The following DST variants were observed in gnomAD, a reference collection of about 807,000 sequenced individuals.
DST encodes bullous pemphigoid antigen.
DST carries 253 observed loss-of-function variants against 875.2 expected under a neutral mutation model. That is an observed-to-expected ratio of 0.29 (90% CI 0.26 to 0.32). The LOEUF (loss-of-function observed/expected upper bound fraction) is 0.32. Ranked by LOEUF, DST falls within the 10% of genes least tolerant of loss-of-function variation. DST has a pLI of 1.00. For synonymous variants in DST, 3,124 were observed against 3,197.1 expected (o/e 0.98, Z 0.77); for missense variants, 8,287 against 9,111.6 (o/e 0.91, Z 3.68).
rs1213520287 is a variant in DST, at chr6:56,644,885, TGGGGC to T, written c.1778+976_1778+980del. Among the ~76,000 whole-genome samples the T allele has an allele frequency of 1.4e-4, 21 of 152,256 alleles. No homozygotes were observed. The East Asian group carries it at 4.1e-3, about 29-fold the overall frequency. ...TGTAATAATCCTCATGTGTCAAGTG[TGGGGC>T]CAGGTGGAGATAACTGAATCACGGG... is the stretch of plus-strand genomic sequence containing the variant. On this transcript the variant is annotated intron_variant, in intron 15 of 103. Transcript: ENST00000680361.
chr6:56,848,827 G>A (rs1277120101), intron 4 of DST, among the ~76,000 whole-genome samples: 2 of 152,014 alleles, frequency 1.3e-5, no homozygotes, highest in Non-Finnish European at 2.9e-5. Flanking sequence ...TTGAGGTACG[G>A]AGTTCGAGAC....
chr6:56,553,038 G>C lies in DST; in HGVS notation c.15754C>G (p.Gln5252Glu), dbSNP rs201307942. Residue 5252 changes from glutamine (Q) to glutamate (E), a missense_variant, in exon 61 of 104, where the codon CAG becomes GAG. By Grantham distance (29) the Gln-to-Glu change is conservative. Transcript: ENST00000680361. The stretch of plus-strand genomic sequence containing the variant: ...TGTTCAGTGACCATGTCCACCTTCT[G>C]GATCAGTGACTTATTCTCATCTGTA... ...VVTDENKSLI[Q>E]KVDMVTEQLH... is the part of the protein sequence containing the mutation. 2 of 1,613,696 alleles carry C rather than the reference G, an allele frequency of 1.2e-6. No homozygotes were observed. Among genetic ancestry groups the C allele is most frequent in the Admixed American group, 1.7e-5 (1 of 59,996 alleles).
At chr6:56,596,008 TTTATTTATTTATTTAC>T (rs1312579406) in intron 47 of DST, among the ~76,000 whole-genome samples, 2 of 73,152 alleles carry the variant, frequency 2.7e-5, no homozygotes, top group African/African-American at 4.3e-5. Context: ...CTTTCTTTCT[TTTATTTATTTATTTAC>T]TTATTTATTT....
At chr6:56,591,147 C>T (rs1445533263) in intron 49 of DST, among the ~76,000 whole-genome samples, 1 of 152,196 alleles carries the variant, frequency 6.6e-6, no homozygotes, top group Non-Finnish European at 1.5e-5. Context: ...AATTATTGGT[C>T]ACATTAGTTC....
At chr6:56,925,855 C>G (rs1252919121) in intron 2 of DST, among the ~76,000 whole-genome samples, 1 of 152,160 alleles carries the variant, frequency 6.6e-6, no homozygotes, top group Non-Finnish European at 1.5e-5. Context: ...CTTATCTCTA[C>G]TATCATCATT....
At chr6:56,644,769 G>C (rs568338091) in intron 15 of DST, among the ~76,000 whole-genome samples, 1 of 152,326 alleles carries the variant, frequency 6.6e-6, no homozygotes, top group South Asian at 2.1e-4. Context: ...ACTGTGCAGA[G>C]AGCAAGGGGG....
chr6:56,647,670 G>A (rs78605104), intron 13 of DST, among the ~76,000 whole-genome samples: 18,012 of 150,736 alleles, frequency 0.12, 2,409 homozygotes, highest in African/African-American at 0.33. Flanking sequence ...TTACATATTT[G>A]TAATGGCTTT....
In DST at chr6:56,639,782, TGA is replaced by T; in HGVS notation, c.2620-11_2620-10del. 6.2e-7 allele frequency: 1 copy of T among 1,610,818 alleles called. No individual in the cohort carries two copies. Among genetic ancestry groups the T allele is most frequent in the Middle Eastern group, 1.7e-4 (1 of 5,942 alleles). On this transcript the variant is annotated splice_polypyrimidine_tract_variant and intron_variant, in intron 19 of 103. Transcript: ENST00000680361. ...GGTGCTGTCATTTGAATCTATAACA[TGA>T]GATTAAAAAGACACTCCAGTCAGGA...
At chr6:56,826,237 T>TTTTTGTTTGTG (rs2099780339) in intron 4 of DST, among the ~76,000 whole-genome samples, 1 of 152,242 alleles carries the variant, frequency 6.6e-6, no homozygotes, top group Non-Finnish European at 1.5e-5. Context: ...AATAAGTCTA[T>TTTTTGTTTGTG]AAATTGTTTA....
intron 4 of DST, among the ~76,000 whole-genome samples, chr6:56,786,798 C>G (rs956332110): frequency 3.9e-5 from 6 of 152,130 alleles, no homozygotes; most frequent in African/African-American, 1.4e-4. Context: ...GCTGGGATTA[C>G]GTGGGAATCA....
intron 36 of DST, chr6:56,615,689 A>G: frequency 2.5e-6 from 4 of 1,613,992 alleles, no homozygotes; most frequent in Non-Finnish European, 3.4e-6. Context: ...TTGATCTTTG[A>G]GTTTTGTGGC....
At position 56,634,153 on chromosome 6, in the gene DST, A is replaced by AATTCT. The variant is rs775010830; in HGVS notation, c.3595_3599dup (p.Arg1201GlufsTer10). ...TTACTGAAGCCACATTGCTAGCTCG[A>AATTCT]ATTCTATCAATTTCATTGATGAGAT... On this transcript the variant is annotated frameshift_variant, in exon 27 of 104. Transcript: ENST00000680361. LOFTEE classifies it high-confidence loss of function. 1 of 1,613,224 alleles carries AATTCT rather than the reference A, an allele frequency of 6.2e-7. No homozygotes were observed. Among genetic ancestry groups the AATTCT allele is most frequent in the African/African-American group, 1.3e-5 (1 of 74,924 alleles).
intron 36 of DST, chr6:56,615,253 G>T: frequency 1.0e-6 from 1 of 1,002,144 alleles, no homozygotes; most frequent in Non-Finnish European, 1.3e-6. Flanking sequence ...CACATTCTAC[G>T]TAAAAAAAAA....
chr6:56,866,963 C>T lies in DST; in HGVS notation c.418-15359G>A, dbSNP rs188231420. Among the ~76,000 whole-genome samples, 1,422 of 152,272 alleles carry T rather than the reference C, an allele frequency of 9.3e-3. 26 individuals carry two copies. Among genetic ancestry groups the T allele is most frequent in the African/African-American group, 0.032 (1,338 of 41,548 alleles). Reference sequence around the variant, plus strand: ...TTATTTATCTTTATTTCTTATTTATCTTATTTATCATCGCCTGCAATACTT... The same window carrying T: ...TTATTTATCTTTATTTCTTATTTATTTTATTTATCATCGCCTGCAATACTT... On this transcript the variant is annotated intron_variant, in intron 3 of 103. Coordinates refer to ENST00000680361, the MANE Select transcript of DST (RefSeq NM_001374736.1).
At chr6:56,532,892 C>T (rs2096921523) in intron 63 of DST, among the ~76,000 whole-genome samples, 1 of 152,146 alleles carries the variant, frequency 6.6e-6, no homozygotes, top group African/African-American at 2.4e-5. Flanking sequence ...AACTATCTGT[C>T]CTGTCAAGAT....
chr6:56,529,859 C>G, intron 65 of DST, 85 bp from the exon 66 acceptor site: 2 of 1,452,638 alleles, frequency 1.4e-6, no homozygotes, highest in Non-Finnish European at 1.8e-6. Context: ...TAAAGCATGA[C>G]ATGTTAAATG....
intron 99 of DST, 72 bp downstream of exon 99, chr6:56,466,006 T>A: frequency 8.1e-7 from 1 of 1,234,492 alleles, no homozygotes; most frequent in Non-Finnish European, 1.2e-6. Context: ...TTATGCCCAG[T>A]ATGTTTTGGT....
chr6:56,761,447 A>C (rs553424656), intron 4 of DST, among the ~76,000 whole-genome samples: 1 of 152,346 alleles, frequency 6.6e-6, no homozygotes, highest in Admixed American at 6.5e-5. Context: ...AATGCACACC[A>C]TGTTATGTTG....
At chr6:56,890,659 T>C (rs1786949356) in intron 3 of DST, among the ~76,000 whole-genome samples, 1 of 152,206 alleles carries the variant, frequency 6.6e-6, no homozygotes, top group Non-Finnish European at 1.5e-5. Flanking sequence ...AGCTTACAAA[T>C]CCAGAATAAG....
Sources: gnomAD v4.1 joint callset for allele counts (sites outside exome capture counted in the v4.1 genomes callset) on GRCh38, gnomAD v4.1.1 for gene constraint, MANE v1.5 for transcripts, NCBI Gene and HGNC (gene_info 2026-07-23, HGNC 2026-07-21) for gene names.